Variants in VPS53 observed in about 807,000 individuals in gnomAD.
VPS53 encodes vacuolar protein sorting-associated protein 53 homolog.
VPS53 carries 70 observed loss-of-function variants against 107.0 expected under a neutral mutation model. The ratio of observed to expected loss-of-function variants is 0.65; its 90% CI spans 0.54 to 0.80. The LOEUF (loss-of-function observed/expected upper bound fraction) is 0.80, where lower values mean the gene tolerates loss of function less well. Among genes scored for constraint, VPS53 ranks in the 30% least tolerant of loss-of-function variants. VPS53 has a pLI of 0.00. For missense variants in VPS53, 917 were observed against 1,049.4 expected (o/e 0.87, Z 1.74); for synonymous variants, 409 against 393.3 (o/e 1.04, Z -0.47).
At chr17:568,419 C>CTT (rs34481191) in intron 13 of VPS53, among the ~76,000 whole-genome samples, 6 of 150,856 alleles carry the variant, frequency 4.0e-5, no homozygotes, top group Non-Finnish European at 5.9e-5. Context: ...TTTTTGTGGG[C>CTT]TTTTTTTTGT....
chr17:635,190 T>A (rs926620247), intron 7 of VPS53, among the ~76,000 whole-genome samples: 4 of 152,250 alleles, frequency 2.6e-5, no homozygotes, highest in Non-Finnish European at 2.9e-5. Flanking sequence ...TGCATAAATG[T>A]CTTCTTTTGA....
chr17:568,097 G>A (rs1346242179), intron 13 of VPS53, among the ~76,000 whole-genome samples: 1 of 152,142 alleles, frequency 6.6e-6, no homozygotes. Flanking sequence ...CATTTCTCTG[G>A]TGGGCCTGCA....
intron 12 of VPS53, among the ~76,000 whole-genome samples, chr17:587,504 G>A (rs1196828391): frequency 6.6e-6 from 1 of 152,134 alleles, no homozygotes; most frequent in African/African-American, 2.4e-5. Flanking sequence ...AGACTATATT[G>A]TCTTTATTTT....
At chr17:574,687 C>G (rs1432529110) in intron 13 of VPS53, among the ~76,000 whole-genome samples, 1 of 152,134 alleles carries the variant, frequency 6.6e-6, no homozygotes, top group Admixed American at 6.5e-5. Flanking sequence ...ACTGCTGAAA[C>G]CCAGGAGGTT....
chr17:629,934 T>C (rs775225701), intron 8 of VPS53, among the ~76,000 whole-genome samples: 2 of 150,442 alleles, frequency 1.3e-5, no homozygotes, highest in Non-Finnish European at 3.0e-5. Flanking sequence ...GGAAAAAAAA[T>C]ATAAAGCAGG....
chr17:673,149 G>A (rs577555639), intron 4 of VPS53, among the ~76,000 whole-genome samples: 62 of 151,188 alleles, frequency 4.1e-4, no homozygotes, highest in African/African-American at 1.3e-3. Flanking sequence ...AAAAAACAAC[G>A]GCAGCATCAT....
Position 562,701 on chromosome 17 carries a change from G to T in VPS53, c.1358C>A (p.Ala453Asp). ...LIDRFVADFKAQGPPKPNTDE... is the reference protein window; with the variant it reads ...LIDRFVADFKDQGPPKPNTDE... ...AGTGTTGGGCTTAGGTGGCCCCTGG[G>T]CTTTGAAATCAGCCACAAACCGATC... The change falls in exon 14 of 22, where the codon GCC (alanine) becomes GAC (aspartate). Residue 453 changes from alanine to aspartate, a missense_variant. By Grantham distance (126) the Ala-to-Asp change is moderately radical. Coordinates refer to ENST00000437048, the MANE Select transcript of VPS53 (RefSeq NM_001128159.3). 1 of 1,613,282 alleles carries T rather than the reference G, an allele frequency of 6.2e-7. No individual in the cohort carries two copies. The highest frequency in any genetic ancestry group is 8.5e-7 in the Non-Finnish European group (1 of 1,179,896).
At chr17:617,345 C>A (rs1969189350) in intron 11 of VPS53, among the ~76,000 whole-genome samples, 2 of 152,242 alleles carry the variant, frequency 1.3e-5, no homozygotes, top group Non-Finnish European at 2.9e-5. Context: ...TAAAGCCAAC[C>A]TCATACTTCT....
At chr17:521,878 T>C (rs1047754909) in intron 19 of VPS53, 140 bp from the exon 20 acceptor site, 4 of 1,031,420 alleles carry the variant, frequency 3.9e-6, no homozygotes, top group Admixed American at 7.5e-5. Context: ...AACAGAAATA[T>C]AAAAGAAAAA....
chr17:686,599 CA>C (rs1972594251), intron 4 of VPS53, among the ~76,000 whole-genome samples: 2 of 152,150 alleles, frequency 1.3e-5, no homozygotes, highest in African/African-American at 4.8e-5. Flanking sequence ...TCACAGAGAA[CA>C]GCACGCTGAA....
chr17:527,206 T>C (rs1909184000), intron 19 of VPS53, among the ~76,000 whole-genome samples: 1 of 152,198 alleles, frequency 6.6e-6, no homozygotes, highest in African/African-American at 2.4e-5. Context: ...AATGCTCTCC[T>C]TTCCCTCTCA....
Position 562,668 on chromosome 17 carries a change from C to G in VPS53, c.1391G>C (p.Gly464Ala), listed in dbSNP as rs765068071. The change falls in exon 14 of 22, where the codon GGG becomes GCG. Residue 464 changes from glycine to alanine, a missense_variant. Physicochemically the swap from Gly to Ala is moderately conservative, Grantham distance 60. Transcript: ENST00000437048. ...QGPPKPNTDE[G>A]GAVLPSCADL... ...GGCGCAGCTGGGGAGCACGGCACCC[C>G]CTTCATCAGTGTTGGGCTTAGGTGG... 6.2e-6 allele frequency: 10 copies of G among 1,613,894 alleles called. No individual in the cohort carries two copies. The Admixed American group carries it at 1.0e-4, about 16-fold the overall frequency.
chr17:540,181 G>C (rs1025066275), intron 17 of VPS53, among the ~76,000 whole-genome samples: 2 of 151,090 alleles, frequency 1.3e-5, no homozygotes, highest in Admixed American at 6.6e-5. Flanking sequence ...TCAAGCAAAG[G>C]ACTCTTTATT....
chr17:525,713 AT>A (rs1909077993), intron 19 of VPS53, among the ~76,000 whole-genome samples: 1 of 151,296 alleles, frequency 6.6e-6, no homozygotes, highest in African/African-American at 2.4e-5. Flanking sequence ...GAAAAAAAAA[AT>A]GGGCCAGGCG....
chr17:676,896 A>G (rs905328459), intron 4 of VPS53, among the ~76,000 whole-genome samples: 9 of 152,008 alleles, frequency 5.9e-5, no homozygotes, highest in Non-Finnish European at 1.2e-4. Context: ...ACTACATACA[A>G]AAGCTTAAGA....
chr17:563,287 CTTTTTTTTTTTTTT>C (rs36076034), intron 13 of VPS53, among the ~76,000 whole-genome samples: 1 of 103,302 alleles, frequency 9.7e-6, no homozygotes, highest in Non-Finnish European at 1.8e-5. Flanking sequence ...ACTTCATTTC[CTTTTTTTTTTTTTT>C]TTTTTTTTTT....
chr17:536,747 C>A, intron 18 of VPS53: 2 of 346,330 alleles, frequency 5.8e-6, no homozygotes, highest in Non-Finnish European at 1.1e-5. Flanking sequence ...ATGGCGGCCA[C>A]ACGTCACTGT....
chr17:551,807 G>A, intron 17 of VPS53, 65 bp downstream of exon 17: 1 of 1,393,856 alleles, frequency 7.2e-7, no homozygotes. Flanking sequence ...TACAGACAAG[G>A]GCCAGTAGAA....
At chr17:577,084 G>A (rs1914689866) in intron 13 of VPS53, among the ~76,000 whole-genome samples, 1 of 150,054 alleles carries the variant, frequency 6.7e-6, no homozygotes, top group Non-Finnish European at 1.5e-5. Context: ...AGCATTCCCA[G>A]AGAACCTCCC....
Sources: gnomAD v4.1 joint callset for allele counts (sites outside exome capture counted in the v4.1 genomes callset) on GRCh38, gnomAD v4.1.1 for gene constraint, MANE v1.5 for transcripts, NCBI Gene and HGNC (gene_info 2026-07-23, HGNC 2026-07-21) for gene names.